The following ATRNL1 variants were observed in gnomAD, a reference collection of about 807,000 sequenced individuals.
ATRNL1 encodes the protein attractin-like protein 1.
A neutral mutation model predicts 182.7 loss-of-function variants in ATRNL1; 95 were observed. The ratio of observed to expected loss-of-function variants is 0.52; its 90% CI spans 0.44 to 0.62. The LOEUF is 0.62. ATRNL1 is among the 20% of genes least tolerant of loss of function. ATRNL1 has a pLI of 0.00. For synonymous variants in ATRNL1, 576 were observed against 568.3 expected (o/e 1.01, Z -0.19); for missense variants, 1,471 against 1,679.5 (o/e 0.88, Z 2.17).
At chr10:115,153,772 G>A (rs1236529002) in intron 5 of ATRNL1, among the ~76,000 whole-genome samples, 1 of 152,030 alleles carries the variant, frequency 6.6e-6, no homozygotes, top group African/African-American at 2.4e-5. Flanking sequence ...TTTTGAATGT[G>A]TTTGCTCTTG....
intron 26 of ATRNL1, among the ~76,000 whole-genome samples, chr10:115,614,717 T>C (rs1250330476): frequency 6.6e-6 from 1 of 152,152 alleles, no homozygotes; most frequent in Non-Finnish European, 1.5e-5. Context: ...TGTGTGTGTG[T>C]GTGCATATTT....
chr10:115,352,463 T>A (rs1294689760), intron 19 of ATRNL1, among the ~76,000 whole-genome samples: 1 of 152,166 alleles, frequency 6.6e-6, no homozygotes, highest in Non-Finnish European at 1.5e-5. Flanking sequence ...GGTTTTGGTA[T>A]GTTGTGATTC....
At chr10:115,561,678 TGTGTGTGTGTGG>T (rs1420089986) in intron 26 of ATRNL1, among the ~76,000 whole-genome samples, 8 of 96,114 alleles carry the variant, frequency 8.3e-5, no homozygotes, top group Admixed American at 1.5e-4. Flanking sequence ...TCTGTGTGTG[TGTGTGTGTGTGG>T]GTGTGTGTGT....
chr10:115,500,681 A>T (rs1849780798), intron 24 of ATRNL1, among the ~76,000 whole-genome samples: 1 of 151,642 alleles, frequency 6.6e-6, no homozygotes, highest in Non-Finnish European at 1.5e-5. Context: ...AGCTGGGATT[A>T]TAGGCATGTG....
intron 27 of ATRNL1, among the ~76,000 whole-genome samples, chr10:115,755,903 T>G (rs1345060149): frequency 6.6e-6 from 1 of 152,040 alleles, no homozygotes; most frequent in East Asian, 1.9e-4. Flanking sequence ...CTTGGGAGGG[T>G]GTGTGTCCAG....
intron 28 of ATRNL1, among the ~76,000 whole-genome samples, chr10:115,868,559 T>TTC (rs1951493220): frequency 6.6e-6 from 1 of 152,088 alleles, no homozygotes; most frequent in African/African-American, 2.4e-5. Flanking sequence ...CTTCACTGAA[T>TTC]GAATGAATGA....
At chr10:115,613,126 A>G (rs1452222476) in intron 26 of ATRNL1, among the ~76,000 whole-genome samples, 1 of 152,220 alleles carries the variant, frequency 6.6e-6, no homozygotes, top group Non-Finnish European at 1.5e-5. Flanking sequence ...CCTGAAGTCC[A>G]TTGGTAAGTT....
intron 26 of ATRNL1, among the ~76,000 whole-genome samples, chr10:115,571,089 C>T: frequency 6.6e-6 from 1 of 152,188 alleles, no homozygotes; most frequent in Non-Finnish European, 1.5e-5. Flanking sequence ...GGCTAAGGAC[C>T]TCAATTTTCC....
At chr10:115,631,721 G>A (rs1592978175) in intron 26 of ATRNL1, among the ~76,000 whole-genome samples, 1 of 152,126 alleles carries the variant, frequency 6.6e-6, no homozygotes, top group East Asian at 1.9e-4. Context: ...GCCTATAGTA[G>A]CATATTAAAT....
intron 18 of ATRNL1, among the ~76,000 whole-genome samples, chr10:115,332,591 T>G (rs1324723990): frequency 6.6e-6 from 1 of 152,246 alleles, no homozygotes; most frequent in African/African-American, 2.4e-5. Flanking sequence ...TTATTCTCAA[T>G]TTCATAAAGA....
At chr10:115,689,374 A>T (rs187727340) in intron 26 of ATRNL1, among the ~76,000 whole-genome samples, 4 of 151,526 alleles carry the variant, frequency 2.6e-5, no homozygotes, top group Admixed American at 1.3e-4. Flanking sequence ...TTTTTTATGT[A>T]GGCATTTATT....
intron 27 of ATRNL1, among the ~76,000 whole-genome samples, chr10:115,785,644 C>T (rs1949378769): frequency 2.0e-5 from 3 of 152,162 alleles, no homozygotes; most frequent in African/African-American, 4.8e-5. Flanking sequence ...ATGAAATGTC[C>T]AGCTACAACC....
chr10:115,605,214 G>A (rs1175094518), intron 26 of ATRNL1, among the ~76,000 whole-genome samples: 2 of 151,918 alleles, frequency 1.3e-5, no homozygotes, highest in Non-Finnish European at 2.9e-5. Context: ...AAGTTTTTCT[G>A]CATCCAGTGT....
rs144176366 is a variant in ATRNL1, at chr10:115,287,907, C to T, written c.2415+1510C>T. Among the ~76,000 whole-genome samples, 1,132 of 145,922 alleles carry T rather than the reference C, an allele frequency of 7.8e-3. 15 individuals carry two copies. Among genetic ancestry groups the T allele is most frequent in the African/African-American group, 0.026 (1,054 of 39,892 alleles). On this transcript the variant is annotated intron_variant, in intron 15 of 28. Coordinates refer to ENST00000355044, the MANE Select transcript of ATRNL1 (RefSeq NM_207303.4). ...TCTAGTACCTCTCCTCTACATTTTA[C>T]TTCTATAAGATCAACTGTTTTTTTT...
chr10:115,432,251 C>T (rs567216378), intron 21 of ATRNL1, among the ~76,000 whole-genome samples: 14 of 152,162 alleles, frequency 9.2e-5, no homozygotes, highest in African/African-American at 3.4e-4. Flanking sequence ...TCCATACTTA[C>T]ATCACATTTT....
intron 19 of ATRNL1, among the ~76,000 whole-genome samples, chr10:115,392,069 C>T (rs1001844506): frequency 2.6e-5 from 4 of 151,948 alleles, no homozygotes; most frequent in Non-Finnish European, 5.9e-5. Flanking sequence ...ACACACAGAT[C>T]GATACAAGTA....
intron 28 of ATRNL1, among the ~76,000 whole-genome samples, chr10:115,888,165 T>C (rs1380160733): frequency 6.6e-6 from 1 of 152,180 alleles, no homozygotes; most frequent in African/African-American, 2.4e-5. Context: ...CTCCTTACCC[T>C]TCAGTTTAGC....
chr10:115,639,324 A>G (rs1211866052), intron 26 of ATRNL1, among the ~76,000 whole-genome samples: 3 of 152,316 alleles, frequency 2.0e-5, no homozygotes, highest in Non-Finnish European at 1.5e-5. Flanking sequence ...GGGAAACAAA[A>G]ACACTGTCAG....
At chr10:115,776,852 G>T (rs1417175437) in intron 27 of ATRNL1, among the ~76,000 whole-genome samples, 3 of 152,094 alleles carry the variant, frequency 2.0e-5, no homozygotes, top group Non-Finnish European at 4.4e-5. Context: ...AGCAGGGTTA[G>T]CATCTTAAGA....
Sources: gnomAD v4.1 joint callset for allele counts (sites outside exome capture counted in the v4.1 genomes callset) on GRCh38, gnomAD v4.1.1 for gene constraint, MANE v1.5 for transcripts, NCBI Gene and HGNC (gene_info 2026-07-23, HGNC 2026-07-21) for gene names.